SLC26A7: variants seen among roughly 807,000 people sequenced by gnomAD.
SLC26A7 encodes anion exchange transporter.
SLC26A7 carries 59 observed loss-of-function variants against 82.5 expected under a neutral mutation model. The observed-to-expected ratio is 0.72, with a 90% CI of 0.58 to 0.89. The LOEUF is 0.89. Ranked by LOEUF, SLC26A7 falls within the 40% of genes least tolerant of loss-of-function variation. The pLI, the probability that SLC26A7 is intolerant of heterozygous loss-of-function variation, is 0.00. For missense variants in SLC26A7, 820 were observed against 793.0 expected (o/e 1.03, Z -0.41); for synonymous variants, 271 against 274.3 (o/e 0.99, Z 0.12).
At chr8:91,372,863 G>C (rs1586465948) in intron 15 of SLC26A7, among the ~76,000 whole-genome samples, 1 of 151,864 alleles carries the variant, frequency 6.6e-6, no homozygotes, top group Non-Finnish European at 1.5e-5. Flanking sequence ...ATGACCATGG[G>C]ATGTTTTTCC....
intron 2 of SLC26A7, among the ~76,000 whole-genome samples, chr8:91,278,904 C>T (rs1811479034): frequency 6.6e-6 from 1 of 151,808 alleles, no homozygotes; most frequent in African/African-American, 2.4e-5. Context: ...CAATTCTCCT[C>T]CAAATCCCGA....
rs781445117 is a variant in SLC26A7 at position 91,362,405 on chromosome 8, G to C, written c.1367G>C (p.Gly456Ala). The change falls in exon 12 of 19, where the codon GGA becomes GCA. Residue 456 changes from glycine (G) to alanine (A), a missense_variant. By Grantham distance (60) the Gly-to-Ala change is moderately conservative. Transcript: ENST00000276609. ...VFTICFAANVGLLFGVVCTIA... is the reference protein window; with the variant it reads ...VFTICFAANVALLFGVVCTIA... ...ACAATATGCTTTGCTGCCAATGTGG[G>C]ACTGCTGTTTGGTGTTGTTTGTACC... 4 of 1,613,390 alleles carry C rather than the reference G, an allele frequency of 2.5e-6. No homozygotes were observed. In the South Asian group the frequency reaches 4.4e-5, roughly 18 times the overall value.
intron 2 of SLC26A7, among the ~76,000 whole-genome samples, chr8:91,234,825 C>CTCCTTCCTTCCTTCCT (rs1267737133): frequency 8.1e-5 from 7 of 86,474 alleles, no homozygotes; most frequent in African/African-American, 2.8e-4. Context: ...ACCTACCTAC[C>CTCCTTCCTTCCTTCCT]TACTTCCTTC....
At chr8:91,376,246 C>T (rs539981508) in intron 15 of SLC26A7, among the ~76,000 whole-genome samples, 1 of 152,272 alleles carries the variant, frequency 6.6e-6, no homozygotes, top group East Asian at 1.9e-4. Flanking sequence ...TGGTTAGAAT[C>T]AATTGCTAGA....
rs1406029142 is a variant in SLC26A7 at position 91,394,023 on chromosome 8, A to G, written c.1919A>G (p.His640Arg). The G allele has an allele frequency of 7.4e-6, 12 of 1,613,326 alleles. No individual in the cohort carries two copies. The highest frequency in any genetic ancestry group is 1.0e-5 in the Non-Finnish European group (12 of 1,179,350). ...FFESVSAAIS[H>R]IHSNKNLSKL... ...GAATCGGTATCTGCTGCAATAAGTC[A>G]TATCCATTCAAATAAGGTGAGTTGA... Residue 640 changes from histidine to arginine, a missense_variant, in exon 18 of 19, where the codon CAT becomes CGT. Transcript: ENST00000276609.
chr8:91,301,861 T>A (rs1812176256), intron 4 of SLC26A7, among the ~76,000 whole-genome samples: 2 of 152,066 alleles, frequency 1.3e-5, no homozygotes. Context: ...CTATGCTAAT[T>A]GTTTGAAATG....
intron 1 of SLC26A7, among the ~76,000 whole-genome samples, chr8:91,216,128 C>A (rs1810041705): frequency 6.6e-6 from 1 of 152,096 alleles, no homozygotes; most frequent in South Asian, 2.1e-4. Context: ...AGAATAATCA[C>A]CTTCAAAGTT....
intron 1 of SLC26A7, chr8:91,209,591 A>C (rs1291433334): frequency 1.3e-5 from 2 of 152,262 alleles, no homozygotes; most frequent in African/African-American, 4.8e-5. Context: ...GCTTGAAGAA[A>C]AATTTTGAAA....
intron 1 of SLC26A7, among the ~76,000 whole-genome samples, chr8:91,218,683 T>C (rs1810103061): frequency 6.6e-6 from 1 of 152,146 alleles, no homozygotes; most frequent in Non-Finnish European, 1.5e-5. Context: ...CTTTCATCAT[T>C]TGGATTTTGT....
chr8:91,220,331 A>G (rs1282485663), intron 2 of SLC26A7, among the ~76,000 whole-genome samples: 2 of 152,014 alleles, frequency 1.3e-5, no homozygotes, highest in African/African-American at 4.8e-5. Flanking sequence ...TAGGGAAATA[A>G]TTTCTTATAA....
intron 13 of SLC26A7, among the ~76,000 whole-genome samples, chr8:91,365,041 T>C (rs1330547547): frequency 8.3e-6 from 1 of 120,712 alleles, no homozygotes; most frequent in Admixed American, 7.5e-5. Flanking sequence ...TTATGCACTC[T>C]TCCATCTCTT....
At chr8:91,381,050 T>A (rs1230825254) in intron 15 of SLC26A7, among the ~76,000 whole-genome samples, 1 of 152,156 alleles carries the variant, frequency 6.6e-6, no homozygotes, top group African/African-American at 2.4e-5. Context: ...AAACATATAG[T>A]AAGGTTCTAA....
chr8:91,364,237 C>T (rs1377217330), intron 13 of SLC26A7, among the ~76,000 whole-genome samples: 1 of 152,074 alleles, frequency 6.6e-6, no homozygotes, highest in Admixed American at 6.6e-5. Flanking sequence ...TTTGAACCTG[C>T]TTTGTAAATG....
intron 2 of SLC26A7, among the ~76,000 whole-genome samples, chr8:91,266,163 G>C (rs1586339882): frequency 6.6e-6 from 1 of 151,844 alleles, no homozygotes; most frequent in Non-Finnish European, 1.5e-5. Flanking sequence ...TTGAAGTTAG[G>C]TAGTGTAATG....
Position 91,347,041 on chromosome 8 carries a change from G to A in SLC26A7, c.1140+3575G>A, listed in dbSNP as rs186472062. Among the ~76,000 whole-genome samples, 408 of 152,220 alleles carry A rather than the reference G, an allele frequency of 2.7e-3. 2 individuals are homozygous for A. The highest frequency in any genetic ancestry group is 6.7e-3 in the South Asian group (32 of 4,812). The stretch of plus-strand genomic sequence containing the variant: ...TTCTATCCTTGACTTAAAGCTACTG[G>A]AGAACACAAAACCTTGTCTGGTTTG... On this transcript the variant is annotated intron_variant, in intron 9 of 18. Transcript: ENST00000276609.
At chr8:91,229,444 C>A (rs924006208) in intron 2 of SLC26A7, among the ~76,000 whole-genome samples, 1 of 152,122 alleles carries the variant, frequency 6.6e-6, no homozygotes, top group African/African-American at 2.4e-5. Flanking sequence ...AAGAACTTTG[C>A]AATGAACACC....
At chr8:91,380,899 AAGC>A (rs141831661) in intron 15 of SLC26A7, among the ~76,000 whole-genome samples, 16 of 152,312 alleles carry the variant, frequency 1.1e-4, no homozygotes, top group African/African-American at 3.8e-4. Flanking sequence ...TGTCCAACTA[AAGC>A]AGCAGGTATG....
At chr8:91,393,070 C>A (rs1474997580) in intron 16 of SLC26A7, among the ~76,000 whole-genome samples, 1 of 152,098 alleles carries the variant, frequency 6.6e-6, no homozygotes, top group Non-Finnish European at 1.5e-5. Flanking sequence ...ATTGTAAATG[C>A]ACCTTTCTAT....
At position 91,374,775 on chromosome 8, in the gene SLC26A7, A is replaced by T. The variant is rs1814462132; in HGVS notation, c.1675+4942A>T. On this transcript the variant is annotated intron_variant, in intron 15 of 18. Coordinates refer to ENST00000276609, the MANE Select transcript of SLC26A7 (RefSeq NM_052832.4). ...AGTCAAGAATCCAATTTAAATCCAG[A>T]GTTCCTTTGTTAGTTTTCTGCCTCA... Among the ~76,000 whole-genome samples the T allele has an allele frequency of 4.6e-5, 7 of 151,958 alleles. No homozygotes were observed. In the South Asian group the frequency reaches 1.5e-3, roughly 32 times the overall value.
Sources: allele counts gnomAD v4.1 joint callset (sites outside exome capture counted in the v4.1 genomes callset), GRCh38; gene constraint gnomAD v4.1.1; transcripts MANE v1.5; gene names NCBI Gene and HGNC (gene_info 2026-07-23, HGNC 2026-07-21).